Variants in PXDNL observed in about 807,000 individuals in gnomAD.
The protein encoded by PXDNL is probable oxidoreductase PXDNL.
In PXDNL, 145 loss-of-function variants were observed where a neutral mutation model predicts 150.8. The ratio of observed to expected loss-of-function variants is 0.96; its 90% CI spans 0.84 to 1.10. The LOEUF (loss-of-function observed/expected upper bound fraction) is 1.10, where lower values mean the gene tolerates loss of function less well. Among genes scored for constraint, PXDNL ranks in the 50% least tolerant of loss-of-function variants. The pLI is 0.00. For synonymous variants in PXDNL, 757 were observed against 725.7 expected, an observed-to-expected ratio of 1.04 and a Z score of -0.69; for missense variants, 2,087 against 1,873.9, an observed-to-expected ratio of 1.11 and a Z score of -2.10.
chr8:51,370,475 G>A lies in PXDNL; in HGVS notation c.3901+1398C>T, dbSNP rs142843760. ...CTCCTCCAACATTCTGAAGAGGGGGGACTATTTCATTATTCCTGGATCTAA... is the reference window on the plus strand; with the variant it reads ...CTCCTCCAACATTCTGAAGAGGGGGAACTATTTCATTATTCCTGGATCTAA... On this transcript the variant is annotated intron_variant, in intron 19 of 22. Coordinates refer to ENST00000356297, the MANE Select transcript of PXDNL (RefSeq NM_144651.5). Among the ~76,000 whole-genome samples, 311 of 152,310 alleles carry A rather than the reference G, an allele frequency of 2.0e-3. 1 individual carries two copies. The highest frequency in any genetic ancestry group is 6.9e-3 in the African/African-American group (285 of 41,560).
At chr8:51,561,229 T>C (rs1195565434) in intron 3 of PXDNL, among the ~76,000 whole-genome samples, 3 of 151,930 alleles carry the variant, frequency 2.0e-5, no homozygotes, top group East Asian at 3.9e-4. Flanking sequence ...TCAATTACCA[T>C]CTAGCAATTC....
chr8:51,700,521 TAC>T (rs138995114), intron 1 of PXDNL, among the ~76,000 whole-genome samples: 11,961 of 150,828 alleles, frequency 0.079, 689 homozygotes, highest in African/African-American at 0.17. Context: ...ATAACATATA[TAC>T]ACAGACACAC....
At chr8:51,603,648 T>A (rs755352150) in intron 2 of PXDNL, among the ~76,000 whole-genome samples, 38 of 152,130 alleles carry the variant, frequency 2.5e-4, no homozygotes, top group Non-Finnish European at 4.3e-4. Context: ...TATCCTGTAA[T>A]GACCATGATT....
rs1807133948 is a variant in PXDNL at position 51,372,040 on chromosome 8, A to C, written c.3734T>G (p.Leu1245Arg). The C allele has an allele frequency of 1.9e-6, 3 of 1,608,220 alleles. No individual in the cohort carries two copies. Among genetic ancestry groups the C allele is most frequent in the Non-Finnish European group, 2.5e-6 (3 of 1,177,132 alleles). Reference protein sequence around the residue: ...ENPGVFTPAQLTQLKQASLSR... With the variant: ...ENPGVFTPAQRTQLKQASLSR... Reference sequence around the variant, plus strand: ...CAGGGACGCCTGCTTCAGCTGAGTGAGTTGTGCCGGGGTAAATACTCCAGG... The same window carrying C: ...CAGGGACGCCTGCTTCAGCTGAGTGCGTTGTGCCGGGGTAAATACTCCAGG... Residue 1245 changes from leucine (L) to arginine (R), a missense_variant, in exon 19 of 23, where the codon CTC becomes CGC. Leu to Arg is a moderately radical substitution (Grantham distance 102, BLOSUM62 -2). Coordinates refer to ENST00000356297, the MANE Select transcript of PXDNL (RefSeq NM_144651.5).
intron 1 of PXDNL, among the ~76,000 whole-genome samples, chr8:51,803,753 T>A (rs556872543): frequency 1.3e-3 from 199 of 152,308 alleles, no homozygotes; most frequent in African/African-American, 4.4e-3. Flanking sequence ...CGTGGAGCAT[T>A]CCAGAATTCT....
At chr8:51,781,548 A>G (rs2037415331) in intron 1 of PXDNL, among the ~76,000 whole-genome samples, 1 of 152,062 alleles carries the variant, frequency 6.6e-6, no homozygotes, top group African/African-American at 2.4e-5. Context: ...ATATTGATTC[A>G]CTTTACAATT....
chr8:51,347,186 T>G (rs745697539), intron 19 of PXDNL, among the ~76,000 whole-genome samples: 24 of 152,172 alleles, frequency 1.6e-4, no homozygotes, highest in Non-Finnish European at 3.2e-4. Context: ...CAGAGAGTAC[T>G]TTTGTTCTGG....
At chr8:51,779,926 C>T (rs957231793) in intron 1 of PXDNL, among the ~76,000 whole-genome samples, 2 of 152,158 alleles carry the variant, frequency 1.3e-5, no homozygotes, top group Non-Finnish European at 1.5e-5. Flanking sequence ...AAACGCAGAG[C>T]CTCAGCCTGG....
chr8:51,559,097 T>G (rs980546955), intron 3 of PXDNL, among the ~76,000 whole-genome samples: 1 of 151,994 alleles, frequency 6.6e-6, no homozygotes, highest in Non-Finnish European at 1.5e-5. Context: ...ATGAGGTCCT[T>G]CAGACCTTAT....
At position 51,644,353 on chromosome 8, in the gene PXDNL, C is replaced by T. The variant is rs1563493785; in HGVS notation, c.236+10336G>A. Among the ~76,000 whole-genome samples the T allele has an allele frequency of 1.6e-3, 82 of 50,058 alleles. 1 individual carries two copies. Among genetic ancestry groups the T allele is most frequent in the Non-Finnish European group, 3.4e-3 (55 of 16,396 alleles). 32.8% of individuals were successfully genotyped at this position (50,058 alleles called of 152,430 possible). A position where few individuals can be genotyped will look rare whatever the true frequency, so the allele number is the denominator to read the frequency against. ...ATATATATATACACACACACACACA[C>T]ACACACACACATATGTATATATATA... On this transcript the variant is annotated intron_variant, in intron 2 of 22. Coordinates refer to ENST00000356297, the MANE Select transcript of PXDNL (RefSeq NM_144651.5).
chr8:51,535,582 G>GAAGGCC (rs543364032), intron 4 of PXDNL, among the ~76,000 whole-genome samples: 1 of 130,596 alleles, frequency 7.7e-6, no homozygotes, highest in African/African-American at 3.2e-5. Context: ...AAACACTGCG[G>GAAGGCC]AAGGCCGCAG....
intron 9 of PXDNL, among the ~76,000 whole-genome samples, chr8:51,456,776 G>C (rs532574315): frequency 6.6e-6 from 1 of 152,160 alleles, no homozygotes; most frequent in South Asian, 2.1e-4. Flanking sequence ...ATTGGCCATG[G>C]TGAGATTATT....
chr8:51,511,324 A>G (rs1811413579), intron 4 of PXDNL, among the ~76,000 whole-genome samples: 1 of 152,186 alleles, frequency 6.6e-6, no homozygotes, highest in African/African-American at 2.4e-5. Context: ...GAAAATCCTT[A>G]TGGCTTAGAA....
chr8:51,332,068 G>C (rs560540038), intron 21 of PXDNL, among the ~76,000 whole-genome samples: 1 of 152,234 alleles, frequency 6.6e-6, no homozygotes, highest in African/African-American at 2.4e-5. Context: ...AAACGTCATG[G>C]AATCCACTTC....
chr8:51,530,651 G>A (rs1017565281), intron 4 of PXDNL, among the ~76,000 whole-genome samples: 1 of 152,088 alleles, frequency 6.6e-6, no homozygotes, highest in African/African-American at 2.4e-5. Flanking sequence ...TAAACACACA[G>A]TGCCTAGTTA....
At chr8:51,773,529 C>T (rs1474492179) in intron 1 of PXDNL, among the ~76,000 whole-genome samples, 2 of 152,168 alleles carry the variant, frequency 1.3e-5, no homozygotes, top group Non-Finnish European at 2.9e-5. Context: ...AAAGGAAGAC[C>T]AATAGCCCAA....
intron 1 of PXDNL, among the ~76,000 whole-genome samples, chr8:51,662,996 T>C (rs1489929780): frequency 6.6e-6 from 1 of 152,188 alleles, no homozygotes; most frequent in Non-Finnish European, 1.5e-5. Context: ...AGCCTTTGGC[T>C]TTACCTAAGA....
intron 2 of PXDNL, among the ~76,000 whole-genome samples, chr8:51,604,321 A>T (rs1293566406): frequency 6.6e-6 from 1 of 152,220 alleles, no homozygotes; most frequent in Non-Finnish European, 1.5e-5. Flanking sequence ...ATGCAGCCAT[A>T]AAAAATGATG....
chr8:51,758,082 TAAATTA>T (rs1458052331), intron 1 of PXDNL, among the ~76,000 whole-genome samples: 11 of 152,214 alleles, frequency 7.2e-5, no homozygotes, highest in African/African-American at 1.7e-4. Flanking sequence ...TGTCAAATTT[TAAATTA>T]AATGTATTGA....
Sources: allele counts gnomAD v4.1 joint callset (sites outside exome capture counted in the v4.1 genomes callset), GRCh38; gene constraint gnomAD v4.1.1; transcripts MANE v1.5; gene names NCBI Gene and HGNC (gene_info 2026-07-23, HGNC 2026-07-21).